KLHL8: variants seen among roughly 807,000 people sequenced by gnomAD.
The protein encoded by KLHL8 is kelch-like protein 8.
In KLHL8, 38 loss-of-function variants were observed where a neutral mutation model predicts 63.5. The ratio of observed to expected loss-of-function variants is 0.60; its 90% CI spans 0.46 to 0.78. The LOEUF (loss-of-function observed/expected upper bound fraction) is 0.78, where lower values mean the gene tolerates loss of function less well. Ranked by LOEUF, KLHL8 falls within the 30% of genes least tolerant of loss-of-function variation. KLHL8 has a pLI of 0.00. For missense variants in KLHL8, 566 were observed against 752.4 expected, an observed-to-expected ratio of 0.75 and a Z score of 2.90; for synonymous variants, 224 against 254.3, an observed-to-expected ratio of 0.88 and a Z score of 1.13.
rs558980035 is a variant in KLHL8, at chr4:87,226,075, A to G, written n.58-4685T>C. On this transcript the variant is annotated intron_variant and non_coding_transcript_variant, in intron 1 of 1. Coordinates refer to the KLHL8 transcript ENST00000506274. ...TTCAAGAACTGTGACTTTAGTTACC[A>G]GAAAAAAACACATTTAGAGAAACTT... Among the ~76,000 whole-genome samples, 3 of 152,324 alleles carry G rather than the reference A, an allele frequency of 2.0e-5. No individual in the cohort carries two copies. In the South Asian group the frequency reaches 6.2e-4, roughly 32 times the overall value.
chr4:87,182,228 C>CA (rs34458758), intron 4 of KLHL8, among the ~76,000 whole-genome samples: 28,559 of 66,372 alleles, frequency 0.43, 5,497 homozygotes, highest in Non-Finnish European at 0.5. Flanking sequence ...GACTCCGTCT[C>CA]AAAAAAAAAA....
intron 1 of KLHL8, among the ~76,000 whole-genome samples, chr4:87,228,109 C>T (rs747365354): frequency 2.0e-5 from 3 of 152,148 alleles, no homozygotes; most frequent in Non-Finnish European, 4.4e-5. Context: ...GGCAACACCT[C>T]CTGACTCTAT....
Position 87,214,709 on chromosome 4 carries a change from T to A in KLHL8, c.-152+5709A>T, listed in dbSNP as rs544054807. Reference sequence around the variant, plus strand: ...TGTTATCTCTGTATGGAGGTGCCTATGTGTAAATGACAATGAGAACCAAAA... The same window carrying A: ...TGTTATCTCTGTATGGAGGTGCCTAAGTGTAAATGACAATGAGAACCAAAA... On this transcript the variant is annotated intron_variant, in intron 1 of 9. Transcript: ENST00000273963. 3.3e-5 allele frequency among the ~76,000 whole-genome samples: 5 copies of A among 152,104 alleles called. No individual in the cohort carries two copies. The South Asian group carries it at 1.0e-3, about 32-fold the overall frequency.
Position 87,178,971 on chromosome 4 carries a change from C to T in KLHL8, c.953-351G>A, listed in dbSNP as rs1418391471. ...GCTGATCATCCCATTTTTTGGGAAACATCTTACTTCCTTGATTTCTATATC... is the reference window on the plus strand; with the variant it reads ...GCTGATCATCCCATTTTTTGGGAAATATCTTACTTCCTTGATTTCTATATC... On this transcript the variant is annotated intron_variant, in intron 4 of 9. Coordinates refer to ENST00000273963, the MANE Select transcript of KLHL8 (RefSeq NM_020803.5). Among the ~76,000 whole-genome samples, 3 of 152,048 alleles carry T rather than the reference C, an allele frequency of 2.0e-5. No individual in the cohort carries two copies. The South Asian group carries it at 6.2e-4, about 32-fold the overall frequency.
chr4:87,204,153 G>C (rs935141469), intron 1 of KLHL8, among the ~76,000 whole-genome samples: 8 of 152,120 alleles, frequency 5.3e-5, no homozygotes, highest in Admixed American at 1.3e-4. Context: ...CGAAGCTGTA[G>C]TGCACTATCA....
At position 87,200,418 on chromosome 4, in the gene KLHL8, T is replaced by C. The variant is rs142027734; in HGVS notation, c.-151-4728A>G. On this transcript the variant is annotated intron_variant, in intron 1 of 9. Transcript: ENST00000273963. ...CTTATGATACCTAAGACAATGTAAATGCTATGTAAATAGTTGTTATATTTT... is the reference window on the plus strand; with the variant it reads ...CTTATGATACCTAAGACAATGTAAACGCTATGTAAATAGTTGTTATATTTT... Among the ~76,000 whole-genome samples the C allele has an allele frequency of 2.7e-3, 405 of 152,324 alleles. 4 individuals carry two copies. Among genetic ancestry groups the C allele is most frequent in the African/African-American group, 9.3e-3 (388 of 41,578 alleles).
At chr4:87,225,995 C>T (rs963527065) in intron 1 of KLHL8, among the ~76,000 whole-genome samples, 8 of 152,104 alleles carry the variant, frequency 5.3e-5, no homozygotes, top group African/African-American at 1.2e-4. Context: ...GAATTCTCTC[C>T]GGAGCAATAT....
chr4:87,183,393 A>G lies in KLHL8; in HGVS notation c.766-4T>C, dbSNP rs774339851. 1.9e-6 allele frequency: 3 copies of G among 1,597,012 alleles called. No individual in the cohort carries two copies. The highest frequency in any genetic ancestry group is 1.7e-4 in the Middle Eastern group (1 of 6,002). ...CCGGCAACAATGGCAGGCGAACCTA[A>G]GATCATGAATAGTTGCAATACAACA... On this transcript the variant is annotated splice_polypyrimidine_tract_variant and splice_region_variant and intron_variant, in intron 3 of 9. Transcript: ENST00000273963.
intron 6 of KLHL8, among the ~76,000 whole-genome samples, chr4:87,176,356 G>T (rs1730816230): frequency 6.6e-6 from 1 of 152,180 alleles, no homozygotes; most frequent in South Asian, 2.1e-4. Flanking sequence ...CCATCCCCAA[G>T]CTGTGACAAC....
intron 1 of KLHL8, among the ~76,000 whole-genome samples, chr4:87,213,494 A>G (rs1172280994): frequency 6.6e-6 from 1 of 152,212 alleles, no homozygotes; most frequent in Non-Finnish European, 1.5e-5. Context: ...CTCTGAATAG[A>G]GCACATTGCT....
rs576971923 is a variant in KLHL8, at chr4:87,191,881, T to C, written c.216+3443A>G. ...AGTGGTATTTGGTTTTCTGCTTCTT[T>C]ATTAGTTCACTTAGGATAATGGTTT... On this transcript the variant is annotated intron_variant, in intron 2 of 9. Transcript: ENST00000273963. Among the ~76,000 whole-genome samples the C allele has an allele frequency of 8.0e-4, 122 of 152,250 alleles. 1 individual carries two copies. The highest frequency in any genetic ancestry group is 2.8e-3 in the African/African-American group (115 of 41,546).
chr4:87,201,127 G>A (rs374497459), intron 1 of KLHL8, among the ~76,000 whole-genome samples: 12 of 152,282 alleles, frequency 7.9e-5, no homozygotes, highest in Middle Eastern at 3.4e-3. Context: ...GCCAAGAGAG[G>A]TGGAAAGAAG....
chr4:87,185,630 C>A lies in KLHL8; in HGVS notation c.386G>T (p.Arg129Leu). Reference sequence around the variant, plus strand: ...GACATTGTCAACAGTCAAAGTGAGCCGTGAAGAATAGACAAACTTTACCAA... The same window carrying A: ...GACATTGTCAACAGTCAAAGTGAGCAGTGAAGAATAGACAAACTTTACCAA... The part of the protein sequence containing the change: ...EDLVKFVYSS[R>L]LTLTVDNVQP... The change falls in exon 3 of 10, where the codon CGG becomes CTG. Residue 129 changes from arginine to leucine, a missense_variant. Coordinates refer to ENST00000273963, the MANE Select transcript of KLHL8 (RefSeq NM_020803.5). 1 of 1,614,148 alleles carries A rather than the reference C, an allele frequency of 6.2e-7. No homozygotes were observed. Among genetic ancestry groups the A allele is most frequent in the Non-Finnish European group, 8.5e-7 (1 of 1,180,040 alleles).
At chr4:87,209,369 G>C (rs1234875309) in intron 1 of KLHL8, among the ~76,000 whole-genome samples, 1 of 151,914 alleles carries the variant, frequency 6.6e-6, no homozygotes, top group African/African-American at 2.4e-5. Context: ...GGCATATTAT[G>C]ACAATGAAGC....
intron 1 of KLHL8, among the ~76,000 whole-genome samples, chr4:87,237,724 G>A (rs1733256730): frequency 6.6e-6 from 1 of 152,180 alleles, no homozygotes; most frequent in Admixed American, 6.5e-5. Context: ...CTACTCAGGA[G>A]GCTGAGGTGG....
At chr4:87,203,740 C>T (rs1732009024) in intron 1 of KLHL8, among the ~76,000 whole-genome samples, 1 of 151,254 alleles carries the variant, frequency 6.6e-6, no homozygotes, top group South Asian at 2.1e-4. Context: ...AGAAAAACTT[C>T]ATGACTCGGG....
rs759534647 is a variant in KLHL8, at chr4:87,168,762, GTA to G, written c.1537+1315_1537+1316del. Among the ~76,000 whole-genome samples the G allele has an allele frequency of 4.1e-3, 578 of 141,466 alleles. 3 individuals carry two copies. Among genetic ancestry groups the G allele is most frequent in the African/African-American group, 0.015 (560 of 38,414 alleles). The allele number at this position is 141,466 out of a possible 152,430, so 92.8% of individuals were successfully genotyped here. ...TATATATACGTGTATATATGTGTGTGTATATATATGTGTATATATATACGTAT... is the reference window on the plus strand; with the variant it reads ...TATATATACGTGTATATATGTGTGTGTATATATGTGTATATATATACGTAT... On this transcript the variant is annotated intron_variant, in intron 8 of 9. Coordinates refer to ENST00000273963, the MANE Select transcript of KLHL8 (RefSeq NM_020803.5).
At chr4:87,183,804 G>A (rs553763904) in intron 3 of KLHL8, among the ~76,000 whole-genome samples, 3 of 152,170 alleles carry the variant, frequency 2.0e-5, no homozygotes, top group Non-Finnish European at 4.4e-5. Context: ...GCCTTTTTAA[G>A]CTAAGATTAA....
chr4:87,204,260 C>T (rs1732032457), intron 1 of KLHL8, among the ~76,000 whole-genome samples: 1 of 152,022 alleles, frequency 6.6e-6, no homozygotes, highest in Non-Finnish European at 1.5e-5. Context: ...AATGAAATAC[C>T]ACTACACATC....
Sources: allele counts gnomAD v4.1 joint callset (sites outside exome capture counted in the v4.1 genomes callset), GRCh38; gene constraint gnomAD v4.1.1; transcripts MANE v1.5; gene names NCBI Gene and HGNC (gene_info 2026-07-23, HGNC 2026-07-21).